The following MACROD2 variants were observed in gnomAD, a reference collection of about 807,000 sequenced individuals.
MACROD2 encodes the protein mono-ADP ribosylhydrolase 2, also known as ADP-ribose glycohydrolase MACROD2.
In MACROD2, 36 loss-of-function variants were observed where a neutral mutation model predicts 70.4. The ratio of observed to expected loss-of-function variants is 0.51; its 90% CI spans 0.39 to 0.68. The LOEUF (loss-of-function observed/expected upper bound fraction) is 0.68. Among genes scored for constraint, MACROD2 ranks in the 30% least tolerant of loss-of-function variants. The pLI is 0.00. For synonymous variants in MACROD2, 172 were observed against 178.8 expected, an observed-to-expected ratio of 0.96 and a Z score of 0.30; for missense variants, 496 against 538.4, an observed-to-expected ratio of 0.92 and a Z score of 0.78.
At chr20:15,921,742 A>G (rs2147291186) in intron 10 of MACROD2, among the ~76,000 whole-genome samples, 1 of 152,352 alleles carries the variant, frequency 6.6e-6, no homozygotes, top group Non-Finnish European at 1.5e-5. Flanking sequence ...AGCACATGCT[A>G]AGACAAAGAT....
At chr20:15,187,257 C>G (rs1369528093) in intron 5 of MACROD2, among the ~76,000 whole-genome samples, 1 of 152,142 alleles carries the variant, frequency 6.6e-6, no homozygotes, top group Non-Finnish European at 1.5e-5. Flanking sequence ...GAGGTCTTTT[C>G]CAGCTGTGAA....
intron 3 of MACROD2, among the ~76,000 whole-genome samples, chr20:14,092,142 G>C (rs189157728): frequency 1.4e-4 from 21 of 151,994 alleles, no homozygotes; most frequent in African/African-American, 5.1e-4. Context: ...TGTTGTAATA[G>C]GTGTGTGTTA....
At chr20:14,118,272 C>A (rs1055607582) in intron 3 of MACROD2, among the ~76,000 whole-genome samples, 1 of 152,068 alleles carries the variant, frequency 6.6e-6, no homozygotes, top group African/African-American at 2.4e-5. Flanking sequence ...TTTATGATTT[C>A]TAGTATTTCT....
chr20:14,506,053 G>A (rs751954875), intron 4 of MACROD2, among the ~76,000 whole-genome samples: 2 of 152,174 alleles, frequency 1.3e-5, no homozygotes, highest in Non-Finnish European at 2.9e-5. Context: ...GTGTTGGGGG[G>A]TGGGCAGGTT....
chr20:14,149,192 G>GT (rs11087076), intron 3 of MACROD2, among the ~76,000 whole-genome samples: 74,779 of 144,382 alleles, frequency 0.52, 20,885 homozygotes, highest in Non-Finnish European at 0.62. Context: ...AGTACCCAAT[G>GT]TTTTTTTTTT....
At chr20:14,680,890 A>C (rs1008899836) in intron 4 of MACROD2, among the ~76,000 whole-genome samples, 4 of 152,168 alleles carry the variant, frequency 2.6e-5, no homozygotes, top group African/African-American at 9.6e-5. Context: ...AGAATGAAAA[A>C]AATGAAATAT....
chr20:14,159,998 T>C (rs2055161264), intron 3 of MACROD2, among the ~76,000 whole-genome samples: 2 of 152,160 alleles, frequency 1.3e-5, no homozygotes, highest in Non-Finnish European at 1.5e-5. Flanking sequence ...TTTTGTCCTT[T>C]ATTCTGTTGA....
chr20:14,623,933 A>C (rs1220926445), intron 4 of MACROD2, among the ~76,000 whole-genome samples: 1 of 152,238 alleles, frequency 6.6e-6, no homozygotes, highest in East Asian at 1.9e-4. Context: ...GGGAGGAGGA[A>C]CAGAAGCACT....
At chr20:14,327,581 A>AT (rs2082758145) in intron 3 of MACROD2, 12 of 1,474,254 alleles carry the variant, frequency 8.1e-6, no homozygotes, top group Non-Finnish European at 1.0e-5. Flanking sequence ...GAGTAAAAAA[A>AT]GACAGAAAAC....
rs555718469 is a variant in MACROD2 at position 15,682,798 on chromosome 20, C to A, written c.646-179947C>A. Among the ~76,000 whole-genome samples the A allele has an allele frequency of 2.0e-5, 3 of 152,322 alleles. No homozygotes were observed. In the East Asian group the frequency reaches 5.8e-4, roughly 29 times the overall value. ...ATTGCAAAGAACTTTAAAAAGAGAT[C>A]ATTCTCTGAAAATAAGTACCTTGCT... On this transcript the variant is annotated intron_variant, in intron 8 of 17. Coordinates refer to ENST00000684519, the MANE Select transcript of MACROD2 (RefSeq NM_001351661.2).
At chr20:14,187,602 A>G (rs1463426070) in intron 3 of MACROD2, among the ~76,000 whole-genome samples, 1 of 152,228 alleles carries the variant, frequency 6.6e-6, no homozygotes, top group Non-Finnish European at 1.5e-5. Flanking sequence ...AAGTTAGTCC[A>G]GAGTTATAAT....
At chr20:15,084,179 C>A (rs1268237065) in intron 5 of MACROD2, among the ~76,000 whole-genome samples, 9 of 151,440 alleles carry the variant, frequency 5.9e-5, no homozygotes, top group Non-Finnish European at 1.3e-4. Flanking sequence ...GATTCTCCTG[C>A]CTCAGCTTCC....
intron 10 of MACROD2, among the ~76,000 whole-genome samples, chr20:15,890,477 C>A (rs1040562228): frequency 8.5e-5 from 13 of 152,122 alleles, no homozygotes; most frequent in Admixed American, 7.9e-4. Context: ...CCCTTTGAGC[C>A]CAGTATTTGC....
intron 5 of MACROD2, among the ~76,000 whole-genome samples, chr20:15,223,652 T>G (rs987994036): frequency 6.6e-6 from 1 of 152,248 alleles, no homozygotes; most frequent in African/African-American, 2.4e-5. Context: ...TGGTAAAGTT[T>G]TAATCATCTC....
intron 5 of MACROD2, among the ~76,000 whole-genome samples, chr20:14,865,483 C>T (rs1218626501): frequency 2.6e-5 from 4 of 151,914 alleles, no homozygotes; most frequent in Non-Finnish European, 5.9e-5. Flanking sequence ...CTGGTTGAAC[C>T]CTGATTAATG....
intron 8 of MACROD2, among the ~76,000 whole-genome samples, chr20:15,632,946 C>G (rs1325523987): frequency 6.6e-6 from 1 of 151,558 alleles, no homozygotes; most frequent in Non-Finnish European, 1.5e-5. Flanking sequence ...TCCTTCCTCC[C>G]CTCCTTCCCT....
At chr20:14,430,890 G>A (rs888696239) in intron 3 of MACROD2, among the ~76,000 whole-genome samples, 9 of 152,124 alleles carry the variant, frequency 5.9e-5, no homozygotes, top group African/African-American at 1.9e-4. Flanking sequence ...CCCAAAACAC[G>A]GAAGTCCAGC....
intron 4 of MACROD2, among the ~76,000 whole-genome samples, chr20:14,560,305 A>T (rs8115897): frequency 0.42 from 56,796 of 134,722 alleles, 11,604 homozygotes; most frequent in Middle Eastern, 0.55. Context: ...ACTGTACTTA[A>T]TGTACACACA....
intron 8 of MACROD2, among the ~76,000 whole-genome samples, chr20:15,569,692 G>A (rs1177799324): frequency 6.6e-6 from 1 of 152,132 alleles, no homozygotes; most frequent in Non-Finnish European, 1.5e-5. Flanking sequence ...ACGTCCTCCA[G>A]ATTTAGCTAT....
Sources: gnomAD v4.1 joint callset for allele counts (sites outside exome capture counted in the v4.1 genomes callset) on GRCh38, gnomAD v4.1.1 for gene constraint, MANE v1.5 for transcripts, NCBI Gene and HGNC (gene_info 2026-07-23, HGNC 2026-07-21) for gene names.